The following CSGALNACT1 variants were observed in gnomAD, a reference collection of about 807,000 sequenced individuals.
CSGALNACT1 encodes beta4GalNAcT-1.
In CSGALNACT1, 52 loss-of-function variants were observed where a neutral mutation model predicts 51.0. That is an observed-to-expected ratio of 1.02 (90% confidence interval 0.82 to 1.29). The LOEUF is 1.29. Among genes scored for constraint, CSGALNACT1 ranks in the 50% most tolerant of loss-of-function variants. CSGALNACT1 has a pLI of 0.00. For synonymous variants in CSGALNACT1, 341 were observed against 254.4 expected, an observed-to-expected ratio of 1.34 and a Z score of -3.24; for missense variants, 935 against 679.2, an observed-to-expected ratio of 1.38 and a Z score of -4.19.
At chr8:19,732,420 A>G (rs528089247) in intron 1 of CSGALNACT1, 17 of 152,336 alleles carry the variant, frequency 1.1e-4, no homozygotes, top group East Asian at 1.9e-4. Flanking sequence ...TTCAAGGACC[A>G]TCTCTTGAAA....
intron 4 of CSGALNACT1, among the ~76,000 whole-genome samples, chr8:19,491,544 AT>A (rs1393463256): frequency 2.6e-5 from 4 of 152,218 alleles, no homozygotes; most frequent in African/African-American, 9.6e-5. Flanking sequence ...GAAAATTCGT[AT>A]TTTACATTTG....
chr8:19,744,666 A>G (rs1010856419), intron 1 of CSGALNACT1, among the ~76,000 whole-genome samples: 6 of 152,234 alleles, frequency 3.9e-5, no homozygotes, highest in Non-Finnish European at 7.3e-5. Context: ...AAATTATAAT[A>G]AAAGAGATTT....
chr8:19,619,380 A>G (rs1418340056), intron 1 of CSGALNACT1, among the ~76,000 whole-genome samples: 1 of 152,008 alleles, frequency 6.6e-6, no homozygotes, highest in Non-Finnish European at 1.5e-5. Context: ...TCTATAGAGG[A>G]GGCTGGGAAC....
chr8:19,572,716 T>C (rs1210651157), intron 3 of CSGALNACT1, among the ~76,000 whole-genome samples: 1 of 152,234 alleles, frequency 6.6e-6, no homozygotes, highest in Non-Finnish European at 1.5e-5. Context: ...GGAAATTGGA[T>C]AGCAAACGCT....
At chr8:19,520,086 C>G (rs926292325) in intron 3 of CSGALNACT1, among the ~76,000 whole-genome samples, 6 of 152,214 alleles carry the variant, frequency 3.9e-5, no homozygotes. Context: ...ACAAAATAAA[C>G]AGCCTAACTC....
At chr8:19,554,693 G>C (rs1414371525) in intron 3 of CSGALNACT1, among the ~76,000 whole-genome samples, 4 of 152,010 alleles carry the variant, frequency 2.6e-5, no homozygotes, top group African/African-American at 9.7e-5. Flanking sequence ...TGAGGCCAGT[G>C]AATCACCTGA....
At chr8:19,747,127 T>C (rs1189847225) in intron 1 of CSGALNACT1, among the ~76,000 whole-genome samples, 1 of 152,192 alleles carries the variant, frequency 6.6e-6, no homozygotes, top group Non-Finnish European at 1.5e-5. Context: ...AAAAAGTCAC[T>C]GGTTACCCTC....
At chr8:19,689,668 C>A (rs971403997) in intron 1 of CSGALNACT1, among the ~76,000 whole-genome samples, 1 of 152,194 alleles carries the variant, frequency 6.6e-6, no homozygotes, top group Non-Finnish European at 1.5e-5. Context: ...TGAGCTCCTG[C>A]TCTAGGCTTC....
intron 3 of CSGALNACT1, among the ~76,000 whole-genome samples, chr8:19,511,030 C>T (rs2078363306): frequency 6.6e-6 from 1 of 152,206 alleles, no homozygotes; most frequent in African/African-American, 2.4e-5. Context: ...TACTAATGTC[C>T]ACAAGAAGCT....
chr8:19,566,824 G>A (rs748538629), intron 3 of CSGALNACT1, among the ~76,000 whole-genome samples: 16 of 152,248 alleles, frequency 1.1e-4, no homozygotes, highest in East Asian at 1.9e-4. Context: ...AACGATTCAC[G>A]GAGTCTTAGA....
At chr8:19,719,886 A>G (rs1430751265) in intron 1 of CSGALNACT1, among the ~76,000 whole-genome samples, 3 of 152,240 alleles carry the variant, frequency 2.0e-5, no homozygotes, top group African/African-American at 7.2e-5. Flanking sequence ...GTATTGCCAC[A>G]TGGCATACTT....
At chr8:19,525,017 T>C (rs142015982) in intron 3 of CSGALNACT1, among the ~76,000 whole-genome samples, 62 of 152,310 alleles carry the variant, frequency 4.1e-4, no homozygotes, top group Middle Eastern at 3.4e-3. Context: ...AAATAGTGCC[T>C]AGCACAAACT....
chr8:19,425,563 T>G lies in CSGALNACT1; in HGVS notation c.954-5045A>C, dbSNP rs62496167. ...TAAAACAGAGAATTACTGAGGCTAA[T>G]CAGAGCCTCACAAGAGTGGAAGCAT... On this transcript the variant is annotated intron_variant, in intron 6 of 9. Transcript: ENST00000454498. Among the ~76,000 whole-genome samples, 341 of 152,312 alleles carry G rather than the reference T, an allele frequency of 2.2e-3. 1 individual carries two copies. Among genetic ancestry groups the G allele is most frequent in the Non-Finnish European group, 3.6e-3 (248 of 68,036 alleles).
chr8:19,742,507 G>A (rs6999968), intron 1 of CSGALNACT1, among the ~76,000 whole-genome samples: 7 of 152,152 alleles, frequency 4.6e-5, no homozygotes, highest in African/African-American at 1.4e-4. Context: ...CAACTCCTCC[G>A]CTGAGACCTG....
rs528497894 is a variant in CSGALNACT1, at chr8:19,496,187, T to C, written c.634+9014A>G. The stretch of plus-strand genomic sequence containing the variant: ...AAATCCAAGGGCCCAACACTACTCA[T>C]AACATTAAAACTCAAAGAATATGTA... On this transcript the variant is annotated intron_variant, in intron 4 of 9. Coordinates refer to ENST00000454498, the Ensembl canonical transcript of CSGALNACT1. Among the ~76,000 whole-genome samples, 10 of 152,172 alleles carry C rather than the reference T, an allele frequency of 6.6e-5. No individual in the cohort carries two copies. In the East Asian group the frequency reaches 1.7e-3, roughly 26 times the overall value.
intron 3 of CSGALNACT1, among the ~76,000 whole-genome samples, chr8:19,589,880 A>G (rs182940153): frequency 4.6e-4 from 70 of 152,356 alleles, no homozygotes; most frequent in African/African-American, 1.3e-3. Flanking sequence ...TGTGGAAAGA[A>G]TATGTGAAAA....
At chr8:19,408,803 A>G (rs1174385375) in intron 8 of CSGALNACT1, 109 bp from the exon 8 acceptor site, 7 of 917,970 alleles carry the variant, frequency 7.6e-6, no homozygotes, top group Non-Finnish European at 1.1e-5. Context: ...CCCATCACTG[A>G]TAAACAGCCT....
At chr8:19,673,294 C>A (rs751127043) in intron 1 of CSGALNACT1, among the ~76,000 whole-genome samples, 1 of 152,190 alleles carries the variant, frequency 6.6e-6, no homozygotes, top group African/African-American at 2.4e-5. Flanking sequence ...TCACAACTAA[C>A]CTGGCTGTGT....
At chr8:19,438,836 C>T (rs926884457) in intron 6 of CSGALNACT1, among the ~76,000 whole-genome samples, 2 of 152,146 alleles carry the variant, frequency 1.3e-5, no homozygotes, top group African/African-American at 4.8e-5. Context: ...AGATCTTGGG[C>T]CCATTAATAC....
Sources: allele counts gnomAD v4.1 joint callset (sites outside exome capture counted in the v4.1 genomes callset), GRCh38; gene constraint gnomAD v4.1.1; transcripts MANE v1.5; gene names NCBI Gene and HGNC (gene_info 2026-07-23, HGNC 2026-07-21).